DMD: variants seen among roughly 807,000 people sequenced by gnomAD.
The protein encoded by DMD is mutant dystrophin.
In DMD, 63 loss-of-function variants were observed where a neutral mutation model predicts 330.1. The ratio of observed to expected loss-of-function variants is 0.19; its 90% confidence interval spans 0.16 to 0.24. The LOEUF is 0.24. Ranked by LOEUF, DMD falls within the 10% of genes least tolerant of loss-of-function variation. The pLI, the probability that DMD is intolerant of heterozygous loss-of-function variation, is 1.00. For synonymous variants in DMD, 1,223 were observed against 959.8 expected (o/e 1.27, Z -5.07); for missense variants, 3,344 against 2,684.1 (o/e 1.25, Z -5.43).
chrX:32,233,617 T>TATTTATTTATG (rs1569552325), intron 43 of DMD, among the ~76,000 whole-genome samples: 3 of 99,749 alleles, frequency 3.0e-5, no homozygotes, highest in African/African-American at 1.2e-4. Flanking sequence ...ATTTATTTAT[T>TATTTATTTATG]TATTTATTTA....
At chrX:31,396,548 GTTTTTTTTTTTTT>G (rs56745544) in intron 60 of DMD, among the ~76,000 whole-genome samples, 3 of 66,069 alleles carry the variant, frequency 4.5e-5, no homozygotes, top group Admixed American at 2.1e-4. Context: ...AAATCCCAGG[GTTTTTTTTTTTTT>G]TTTTTTTTTT....
chrX:32,148,783 G>A (rs1179187048), intron 44 of DMD, among the ~76,000 whole-genome samples: 1 of 111,198 alleles, frequency 9.0e-6, no homozygotes, highest in Non-Finnish European at 1.9e-5. Flanking sequence ...GTATATCACT[G>A]GTGATAACTT....
At chrX:33,194,063 G>A (rs1029012683) in intron 1 of DMD, among the ~76,000 whole-genome samples, 2 of 110,567 alleles carry the variant, frequency 1.8e-5, no homozygotes, top group Non-Finnish European at 3.8e-5. Flanking sequence ...CATCTGACAA[G>A]TGAGAATGGT....
chrX:32,394,150 T>TA (rs894413833), intron 30 of DMD, among the ~76,000 whole-genome samples: 27 of 111,996 alleles, frequency 2.4e-4, no homozygotes, highest in African/African-American at 8.4e-4. Flanking sequence ...AACTTGATTT[T>TA]AAAAAAACCT....
intron 7 of DMD, among the ~76,000 whole-genome samples, chrX:32,778,243 C>CAAAAAAAA (rs35311570): frequency 3.5e-4 from 24 of 67,639 alleles, no homozygotes; most frequent in African/African-American, 1.3e-3. Flanking sequence ...CAGATCCTCG[C>CAAAAAAAA]AAAAAAAAAA....
chrX:32,350,673 T>C (rs1312133582), intron 37 of DMD, among the ~76,000 whole-genome samples: 1 of 111,061 alleles, frequency 9.0e-6, no homozygotes, highest in Non-Finnish European at 1.9e-5. Context: ...TGCCCAATGA[T>C]CAGCTTACTA....
At position 32,736,087 on chromosome X, in the gene DMD, C is replaced by T. The variant is rs770537086; in HGVS notation, c.650-36794G>A. ...ATTTACAAGAAAAAACAAACAACCC[C>T]ATCAAAAAGTGGGCGAAGGACATGA... On this transcript the variant is annotated intron_variant, in intron 7 of 78. Transcript: ENST00000357033. Among the ~76,000 whole-genome samples the T allele has an allele frequency of 4.6e-3, 518 of 111,875 alleles. 11 individuals are homozygous for T. The highest frequency in any genetic ancestry group is 0.016 in the African/African-American group (491 of 30,804).
At chrX:32,513,620 G>T (rs1217651874) in intron 18 of DMD, among the ~76,000 whole-genome samples, 1 of 111,676 alleles carries the variant, frequency 9.0e-6, no homozygotes, top group Non-Finnish European at 1.9e-5. Context: ...CAGGGTGAAA[G>T]GAAGGAGAAA....
At chrX:32,092,519 G>A (rs1313032399) in intron 44 of DMD, among the ~76,000 whole-genome samples, 2 of 111,123 alleles carry the variant, frequency 1.8e-5, no homozygotes, top group African/African-American at 6.5e-5. Context: ...AAATAGTGCA[G>A]GGGCTGGGCT....
intron 62 of DMD, among the ~76,000 whole-genome samples, chrX:31,284,261 A>C (rs1236683282): frequency 8.9e-6 from 1 of 111,753 alleles, no homozygotes; most frequent in Non-Finnish European, 1.9e-5. Context: ...AACCATTGTA[A>C]GTCAGGGATC....
intron 11 of DMD, among the ~76,000 whole-genome samples, chrX:32,615,374 T>C (rs1261365365): frequency 2.7e-5 from 3 of 111,156 alleles, no homozygotes; most frequent in African/African-American, 9.8e-5. Flanking sequence ...CGTTCTCAAT[T>C]ACATTTCCAG....
At chrX:31,346,953 A>T (rs1195968101) in intron 61 of DMD, among the ~76,000 whole-genome samples, 1 of 93,066 alleles carries the variant, frequency 1.1e-5, no homozygotes, top group Non-Finnish European at 2.1e-5. Context: ...GTGAGCCAAG[A>T]TCACGCCACT....
chrX:32,578,860 C>T (rs1379029983), intron 13 of DMD, among the ~76,000 whole-genome samples: 1 of 111,568 alleles, frequency 9.0e-6, no homozygotes, highest in Non-Finnish European at 1.9e-5. Flanking sequence ...CAGAAAACAA[C>T]CCATCTTATT....
chrX:31,227,286 G>A (rs1302801651), intron 63 of DMD, among the ~76,000 whole-genome samples: 3 of 111,461 alleles, frequency 2.7e-5, no homozygotes, highest in Non-Finnish European at 5.6e-5. Flanking sequence ...AAGTGGGAGA[G>A]GCAAGAATGA....
intron 25 of DMD, among the ~76,000 whole-genome samples, chrX:32,455,589 G>A (rs1044735668): frequency 3.6e-5 from 4 of 111,066 alleles, no homozygotes; most frequent in Non-Finnish European, 7.6e-5. Flanking sequence ...TGAGTCAACT[G>A]CTCCATTTTT....
intron 1 of DMD, among the ~76,000 whole-genome samples, chrX:33,186,475 G>A (rs1016160903): frequency 9.0e-6 from 1 of 110,684 alleles, no homozygotes; most frequent in Non-Finnish European, 1.9e-5. Context: ...ACAAGAAATA[G>A]CAGTCAATGC....
At chrX:32,564,448 T>C (rs755618353) in intron 16 of DMD, among the ~76,000 whole-genome samples, 47 of 111,883 alleles carry the variant, frequency 4.2e-4, no homozygotes, top group Non-Finnish European at 8.6e-4. Flanking sequence ...ATGTCTCATG[T>C]ATTTATTACA....
intron 11 of DMD, among the ~76,000 whole-genome samples, chrX:32,623,222 G>A (rs1364636352): frequency 8.9e-6 from 1 of 111,740 alleles, no homozygotes. Context: ...TAAAGTGCAG[G>A]TGAATTATAG....
At chrX:32,769,303 T>A (rs942536954) in intron 7 of DMD, among the ~76,000 whole-genome samples, 2 of 111,527 alleles carry the variant, frequency 1.8e-5, no homozygotes, top group African/African-American at 6.5e-5. Context: ...AGGTAACTTG[T>A]GCAAGGAGTC....
Sources: allele counts gnomAD v4.1 joint callset (sites outside exome capture counted in the v4.1 genomes callset), GRCh38; gene constraint gnomAD v4.1.1; transcripts MANE v1.5; gene names NCBI Gene and HGNC (gene_info 2026-07-23, HGNC 2026-07-21).